VAV3: variants seen among roughly 807,000 people sequenced by gnomAD.
VAV3 encodes guanine nucleotide exchange factor VAV3.
Under a neutral mutation model 131.2 loss-of-function variants are expected in VAV3, and 94 were observed. The observed-to-expected ratio is 0.72, with a 90% CI of 0.61 to 0.85. The LOEUF (loss-of-function observed/expected upper bound fraction) is 0.85. VAV3 is among the 40% of genes least tolerant of loss of function. The probability of loss-of-function intolerance (pLI) is 0.00; values close to 1 mark genes in which losing one functional copy is unlikely to be tolerated. For synonymous variants in VAV3, 349 were observed against 342.0 expected (o/e 1.02, Z -0.22); for missense variants, 939 against 1,002.7 (o/e 0.94, Z 0.86).
At chr1:107,889,202 A>C (rs1671199081) in intron 1 of VAV3, among the ~76,000 whole-genome samples, 1 of 150,086 alleles carries the variant, frequency 6.7e-6, no homozygotes, top group Non-Finnish European at 1.5e-5. Context: ...TTTTCAGGGC[A>C]TATAACAATG....
At chr1:107,666,399 T>A (rs1476117894) in intron 19 of VAV3, among the ~76,000 whole-genome samples, 3 of 152,238 alleles carry the variant, frequency 2.0e-5, no homozygotes, top group African/African-American at 7.2e-5. Flanking sequence ...ATATCTGCAA[T>A]TTGGAAATTG....
intron 1 of VAV3, among the ~76,000 whole-genome samples, chr1:107,961,312 A>G (rs1675071672): frequency 6.6e-6 from 1 of 152,116 alleles, no homozygotes; most frequent in South Asian, 2.1e-4. Flanking sequence ...CTTCTTAACC[A>G]CTAAAAGTGA....
intron 2 of VAV3, among the ~76,000 whole-genome samples, chr1:107,784,700 T>C (rs1233675821): frequency 6.6e-6 from 1 of 152,220 alleles, no homozygotes; most frequent in Admixed American, 6.5e-5. Flanking sequence ...CACTGTTGTA[T>C]TTCCATCACC....
chr1:107,894,490 T>C (rs906383909), intron 1 of VAV3, among the ~76,000 whole-genome samples: 3 of 152,252 alleles, frequency 2.0e-5, no homozygotes, highest in South Asian at 4.1e-4. Context: ...GAAAGTGATA[T>C]AAATCTCATT....
chr1:107,708,030 T>C (rs763319175), intron 15 of VAV3, among the ~76,000 whole-genome samples: 1 of 152,224 alleles, frequency 6.6e-6, no homozygotes, highest in Non-Finnish European at 1.5e-5. Context: ...ATTCATCCAT[T>C]TCATAAGTAT....
At chr1:107,908,463 T>C (rs1390640581) in intron 1 of VAV3, among the ~76,000 whole-genome samples, 1 of 152,198 alleles carries the variant, frequency 6.6e-6, no homozygotes, top group East Asian at 1.9e-4. Context: ...ATTTATCTTT[T>C]CCTGTTTTAG....
intron 2 of VAV3, among the ~76,000 whole-genome samples, chr1:107,859,960 T>C (rs544998779): frequency 3.3e-5 from 5 of 152,324 alleles, no homozygotes; most frequent in Non-Finnish European, 5.9e-5. Context: ...AAAGATATTA[T>C]GGTTATATAG....
chr1:107,682,144 A>G (rs1658679435), intron 19 of VAV3, among the ~76,000 whole-genome samples: 1 of 152,158 alleles, frequency 6.6e-6, no homozygotes, highest in South Asian at 2.1e-4. Context: ...CATATTTCTA[A>G]TCTGGGAATT....
In VAV3 at chr1:107,853,860, A is replaced by C. The variant is rs77223533; in HGVS notation, c.321+21041T>G. The stretch of plus-strand genomic sequence containing the variant: ...GAGGTAACTAAAGAATATTCCACAG[A>C]CAACTTATTTATGAGCTAACTTTCT... On this transcript the variant is annotated intron_variant, in intron 2 of 26. Coordinates refer to ENST00000370056, the MANE Select transcript of VAV3 (RefSeq NM_006113.5). Among the ~76,000 whole-genome samples the C allele has an allele frequency of 3.7e-3, 565 of 152,288 alleles. 1 individual carries two copies. The highest frequency in any genetic ancestry group is 0.013 in the African/African-American group (531 of 41,546).
chr1:107,706,740 G>A (rs183626985), intron 15 of VAV3, among the ~76,000 whole-genome samples: 60 of 152,262 alleles, frequency 3.9e-4, no homozygotes, highest in African/African-American at 1.4e-3. Flanking sequence ...ATTTGTTTCT[G>A]AGCATCAAGG....
At chr1:107,697,282 A>G (rs577249172) in intron 17 of VAV3, among the ~76,000 whole-genome samples, 1 of 152,320 alleles carries the variant, frequency 6.6e-6, no homozygotes, top group African/African-American at 2.4e-5. Context: ...GAAGCCTCCT[A>G]GGCAGGTCCT....
intron 15 of VAV3, among the ~76,000 whole-genome samples, chr1:107,711,597 G>A (rs555104872): frequency 1.3e-5 from 2 of 152,234 alleles, no homozygotes; most frequent in African/African-American, 4.8e-5. Context: ...ATGTTAACTA[G>A]TTTCTGCATG....
chr1:107,842,892 T>A (rs1194460102), intron 2 of VAV3, among the ~76,000 whole-genome samples: 1 of 152,182 alleles, frequency 6.6e-6, no homozygotes, highest in Non-Finnish European at 1.5e-5. Context: ...AAATTAATGA[T>A]GGTTAATTTC....
intron 2 of VAV3, among the ~76,000 whole-genome samples, chr1:107,794,501 A>G (rs775972048): frequency 2.6e-5 from 4 of 152,208 alleles, no homozygotes; most frequent in Admixed American, 6.5e-5. Flanking sequence ...CTTAAGAATG[A>G]CTTTTATTTT....
At chr1:107,779,168 T>TA (rs34837829) in intron 3 of VAV3, among the ~76,000 whole-genome samples, 25,588 of 140,428 alleles carry the variant, frequency 0.18, 2,293 homozygotes, top group East Asian at 0.35. Flanking sequence ...GGAGGAAAGT[T>TA]AAAAAAAAAA....
At chr1:107,963,914 CCTCAAAGAGGCAG>C (rs1675272140) in intron 1 of VAV3, among the ~76,000 whole-genome samples, 1 of 152,224 alleles carries the variant, frequency 6.6e-6, no homozygotes, top group African/African-American at 2.4e-5. Context: ...CTGGCTTAAC[CCTCAAAGAGGCAG>C]CTCCAGCCCC....
intron 22 of VAV3, 112 bp downstream of exon 22, chr1:107,609,819 T>G (rs1652580510): frequency 1.8e-6 from 2 of 1,119,186 alleles, no homozygotes; most frequent in Admixed American, 2.1e-5. Flanking sequence ...GAAAACACCT[T>G]TAGCCGAGAC....
intron 1 of VAV3, among the ~76,000 whole-genome samples, chr1:107,901,457 T>C (rs1671852261): frequency 6.6e-6 from 1 of 152,196 alleles, no homozygotes; most frequent in Admixed American, 6.5e-5. Context: ...TGGTGTATCT[T>C]TGTGAAGCTG....
At chr1:107,775,772 T>C (rs1011906647) in intron 4 of VAV3, among the ~76,000 whole-genome samples, 3 of 152,088 alleles carry the variant, frequency 2.0e-5, no homozygotes, top group African/African-American at 7.2e-5. Context: ...AAGAAACTAC[T>C]CTTAATAGAT....
Sources: allele counts gnomAD v4.1 joint callset (sites outside exome capture counted in the v4.1 genomes callset), GRCh38; gene constraint gnomAD v4.1.1; transcripts MANE v1.5; gene names NCBI Gene and HGNC (gene_info 2026-07-23, HGNC 2026-07-21).